Variants in CMPK1 observed in about 807,000 individuals in gnomAD.
CMPK1 encodes the protein cytidine/uridine monophosphate kinase 1.
Under a neutral mutation model 25.7 loss-of-function variants are expected in CMPK1, and 10 were observed. The observed-to-expected ratio is 0.39, with a 90% confidence interval of 0.24 to 0.66. The LOEUF is 0.66. Among genes scored for constraint, CMPK1 ranks in the 30% least tolerant of loss-of-function variants. CMPK1 has a pLI of 0.48. For synonymous variants in CMPK1, 106 were observed against 101.5 expected (o/e 1.04, Z -0.27); for missense variants, 199 against 280.5 (o/e 0.71, Z 2.08).
chr1:47,354,290 C>G (rs539004350), intron 1 of CMPK1, among the ~76,000 whole-genome samples: 61 of 152,268 alleles, frequency 4.0e-4, no homozygotes, highest in Admixed American at 1.6e-3. Context: ...GATTGTGCCA[C>G]TGTATTCCAG....
chr1:47,346,883 A>G (rs1646488863), intron 1 of CMPK1, among the ~76,000 whole-genome samples: 1 of 133,812 alleles, frequency 7.5e-6, no homozygotes, highest in African/African-American at 2.9e-5. Flanking sequence ...TCCCTTCCCC[A>G]AGTGATTCTC....
chr1:47,375,080 T>A lies in CMPK1; in HGVS notation c.548+95T>A, dbSNP rs72553948. On this transcript the variant is annotated intron_variant, in intron 4 of 5. Coordinates refer to ENST00000371873, the MANE Select transcript of CMPK1 (RefSeq NM_016308.3). ...GTCACATTTAAACATGTAAAATGGC[T>A]TGTTTAAGATGTTAGGTCAATCAGT... The A allele has an allele frequency of 8.9e-5, 114 of 1,274,844 alleles. No homozygotes were observed. In the Admixed American group the frequency reaches 2.0e-3, roughly 22 times the overall value. 79.0% of individuals were successfully genotyped at this position (1,274,844 alleles called of 1,614,324 possible).
intron 1 of CMPK1, 143 bp downstream of exon 1, chr1:47,334,259 T>C: frequency 1.3e-6 from 1 of 779,130 alleles, no homozygotes. Flanking sequence ...CGCGTGGCAG[T>C]GGCCGAGGGC....
chr1:47,333,879 TCCCCG>T lies in CMPK1; in HGVS notation c.-55_-51del, dbSNP rs1054990186. On this transcript the variant is annotated 5_prime_UTR_variant, in exon 1 of 6. Coordinates refer to ENST00000371873, the MANE Select transcript of CMPK1 (RefSeq NM_016308.3). Reference sequence around the variant, plus strand: ...CAGCCCGCCCCTTTCTCCCGCCGCCTCCCCGCCCCGCCCCGCGCCGCGCCGGCCGC... The same window carrying T: ...CAGCCCGCCCCTTTCTCCCGCCGCCTCCCCGCCCCGCGCCGCGCCGGCCGC... 8 of 1,102,634 alleles carry T rather than the reference TCCCCG, an allele frequency of 7.3e-6. No homozygotes were observed. The highest frequency in any genetic ancestry group is 5.0e-5 in the African/African-American group (3 of 59,458). 68.3% of individuals were successfully genotyped at this position (1,102,634 alleles called of 1,614,324 possible).
At chr1:47,340,611 TAAG>T (rs1313266999) in intron 1 of CMPK1, among the ~76,000 whole-genome samples, 1 of 152,276 alleles carries the variant, frequency 6.6e-6, no homozygotes, top group Non-Finnish European at 1.5e-5. Flanking sequence ...GTCCAGTGTT[TAAG>T]AATATGCTTC....
rs149075324 is a variant in CMPK1, at chr1:47,348,004, A to G, written c.171+13888A>G. Among the ~76,000 whole-genome samples, 878 of 152,274 alleles carry G rather than the reference A, an allele frequency of 5.8e-3. 8 individuals carry two copies. Among genetic ancestry groups the G allele is most frequent in the African/African-American group, 0.02 (825 of 41,566 alleles). ...ATTGACTATTGCTGTGTTTCCTTTA[A>G]AAAATTAAACCCAGGGCACTATTGT... On this transcript the variant is annotated intron_variant, in intron 1 of 5. Coordinates refer to ENST00000371873, the MANE Select transcript of CMPK1 (RefSeq NM_016308.3).
chr1:47,358,422 A>G (rs760590148), intron 1 of CMPK1: 4 of 1,211,866 alleles, frequency 3.3e-6, no homozygotes, highest in Non-Finnish European at 4.2e-6. Flanking sequence ...CCCTGTTTTT[A>G]GAAGTTTGTT....
At chr1:47,353,102 T>G (rs1352041026) in intron 1 of CMPK1, among the ~76,000 whole-genome samples, 1 of 152,210 alleles carries the variant, frequency 6.6e-6, no homozygotes, top group Non-Finnish European at 1.5e-5. Context: ...CTTGGCACAA[T>G]AAAGTTATGA....
At chr1:47,347,391 G>A (rs1290813671) in intron 1 of CMPK1, among the ~76,000 whole-genome samples, 1 of 151,502 alleles carries the variant, frequency 6.6e-6, no homozygotes, top group East Asian at 2.0e-4. Context: ...TAAAATTCTT[G>A]TAGAGAGAGG....
At chr1:47,357,567 C>T (rs1458739161) in intron 1 of CMPK1, among the ~76,000 whole-genome samples, 1 of 151,370 alleles carries the variant, frequency 6.6e-6, no homozygotes, top group African/African-American at 2.4e-5. Context: ...TCACTGCAAC[C>T]TCTGCCTCCC....
At chr1:47,375,039 G>A in intron 4 of CMPK1, 54 bp downstream of exon 4, 1 of 1,433,050 alleles carries the variant, frequency 7.0e-7, no homozygotes, top group Non-Finnish European at 9.8e-7. Context: ...GCCTTATTTG[G>A]TACAGGAATA....
chr1:47,343,868 CAG>C (rs1321319189), intron 1 of CMPK1, among the ~76,000 whole-genome samples: 1 of 148,886 alleles, frequency 6.7e-6, no homozygotes, highest in East Asian at 2.0e-4. Flanking sequence ...GCCTGGATGA[CAG>C]AGAGAGACTC....
intron 2 of CMPK1, 120 bp from the exon 3 acceptor site, chr1:47,372,835 C>A: frequency 1.7e-6 from 1 of 587,176 alleles, no homozygotes; most frequent in Non-Finnish European, 2.6e-6. Flanking sequence ...TGCTATGTAC[C>A]CTCCACCCTT....
chr1:47,338,641 A>G (rs1646418244), intron 1 of CMPK1, among the ~76,000 whole-genome samples: 1 of 143,750 alleles, frequency 7.0e-6, no homozygotes, highest in Admixed American at 7.1e-5. Flanking sequence ...CCAAATACCC[A>G]GACTTGGAGA....
chr1:47,374,204 T>C (rs1646693712), intron 3 of CMPK1, among the ~76,000 whole-genome samples: 1 of 152,176 alleles, frequency 6.6e-6, no homozygotes, highest in Non-Finnish European at 1.5e-5. Context: ...ATTACAGGCA[T>C]GTGCACCATG....
rs1570343353 is a variant in CMPK1 at position 47,334,199 on chromosome 1, G to A, written c.171+83G>A. On this transcript the variant is annotated intron_variant, in intron 1 of 5. Coordinates refer to ENST00000371873, the MANE Select transcript of CMPK1 (RefSeq NM_016308.3). ...TCCCGCCGCCCCTAGTCCGCGCCCC[G>A]CGGAGTCGCCGAGCCGCAGACTACG... 7 of 1,192,028 alleles carry A rather than the reference G, an allele frequency of 5.9e-6. No homozygotes were observed. The East Asian group carries it at 2.0e-4, about 35-fold the overall frequency. 73.8% of individuals were successfully genotyped at this position (1,192,028 alleles called of 1,614,324 possible).
intron 1 of CMPK1, among the ~76,000 whole-genome samples, chr1:47,364,661 T>C (rs1401685329): frequency 2.0e-5 from 3 of 148,264 alleles, no homozygotes; most frequent in Admixed American, 1.4e-4. Context: ...TTATATACTA[T>C]ATTACATATA....
At chr1:47,374,020 T>G (rs921791035) in intron 3 of CMPK1, among the ~76,000 whole-genome samples, 4 of 152,180 alleles carry the variant, frequency 2.6e-5, no homozygotes, top group Non-Finnish European at 5.9e-5. Flanking sequence ...GAATTGTAAA[T>G]GTGCCCCTGG....
chr1:47,346,575 C>T (rs182714021), intron 1 of CMPK1, among the ~76,000 whole-genome samples: 1 of 152,060 alleles, frequency 6.6e-6, no homozygotes, highest in Non-Finnish European at 1.5e-5. Flanking sequence ...GCGATCTCAA[C>T]TCACTGCAAC....
Sources: allele counts gnomAD v4.1 joint callset (sites outside exome capture counted in the v4.1 genomes callset), GRCh38; gene constraint gnomAD v4.1.1; transcripts MANE v1.5; gene names NCBI Gene and HGNC (gene_info 2026-07-23, HGNC 2026-07-21).